Variants in LRRTM4 observed in about 807,000 individuals in gnomAD.
LRRTM4 encodes leucine rich repeat transmembrane neuronal 4, also known as leucine-rich repeat transmembrane neuronal protein 4.
A neutral mutation model predicts 47.6 loss-of-function variants in LRRTM4; 25 were observed. That is an observed-to-expected ratio of 0.53 (90% CI 0.38 to 0.73). The LOEUF is 0.73. Ranked by LOEUF, LRRTM4 falls within the 30% of genes least tolerant of loss-of-function variation. LRRTM4 has a pLI of 0.00. For missense variants in LRRTM4, 638 were observed against 713.4 expected, an observed-to-expected ratio of 0.89 and a Z score of 1.20; for synonymous variants, 311 against 269.5, an observed-to-expected ratio of 1.15 and a Z score of -1.51.
chr2:77,391,804 C>T (rs1386821808), intron 3 of LRRTM4, among the ~76,000 whole-genome samples: 1 of 151,966 alleles, frequency 6.6e-6, no homozygotes, highest in East Asian at 1.9e-4. Context: ...TTATACTCTT[C>T]TCCTTTTGGA....
intron 3 of LRRTM4, among the ~76,000 whole-genome samples, chr2:77,464,885 A>G (rs1194774625): frequency 1.3e-5 from 2 of 152,200 alleles, no homozygotes; most frequent in African/African-American, 2.4e-5. Flanking sequence ...GGTGTGTGTT[A>G]TGTAAACTAA....
intron 3 of LRRTM4, among the ~76,000 whole-genome samples, chr2:76,794,082 C>G (rs1187379517): frequency 6.6e-6 from 1 of 152,160 alleles, no homozygotes; most frequent in Admixed American, 6.6e-5. Context: ...AAGCGGTTGT[C>G]AGTCTCCTGA....
At chr2:76,796,255 TGA>T (rs1675318131) in intron 3 of LRRTM4, among the ~76,000 whole-genome samples, 1 of 97,732 alleles carries the variant, frequency 1.0e-5, no homozygotes, top group Non-Finnish European at 1.9e-5. Flanking sequence ...TGCCCGCCAT[TGA>T]ACAGGCTTGA....
At chr2:77,286,907 C>T (rs1482792752) in intron 3 of LRRTM4, among the ~76,000 whole-genome samples, 3 of 152,078 alleles carry the variant, frequency 2.0e-5, no homozygotes, top group Admixed American at 6.6e-5. Flanking sequence ...TTCACTCACT[C>T]CATAGTATCT....
At chr2:76,931,900 G>T (rs1200560187) in intron 3 of LRRTM4, among the ~76,000 whole-genome samples, 1 of 152,086 alleles carries the variant, frequency 6.6e-6, no homozygotes, top group African/African-American at 2.4e-5. Context: ...TTATGATAGA[G>T]TGCATTAAGT....
chr2:76,846,636 G>A (rs1425561582), intron 3 of LRRTM4, among the ~76,000 whole-genome samples: 1 of 152,098 alleles, frequency 6.6e-6, no homozygotes, highest in Non-Finnish European at 1.5e-5. Context: ...TATATGGATA[G>A]TTGAATATCT....
intron 3 of LRRTM4, among the ~76,000 whole-genome samples, chr2:76,803,831 A>G (rs72815459): frequency 0.11 from 17,387 of 152,100 alleles, 1,162 homozygotes; most frequent in Non-Finnish European, 0.15. Flanking sequence ...TGTACAAACA[A>G]TATGTTTTAT....
At chr2:77,490,997 T>C (rs1678132301) in intron 3 of LRRTM4, among the ~76,000 whole-genome samples, 1 of 151,594 alleles carries the variant, frequency 6.6e-6, no homozygotes, top group Non-Finnish European at 1.5e-5. Context: ...TCTGGATAGG[T>C]ACCAAAGAGG....
chr2:77,097,535 G>C (rs1383494279), intron 3 of LRRTM4, among the ~76,000 whole-genome samples: 1 of 151,726 alleles, frequency 6.6e-6, no homozygotes, highest in Non-Finnish European at 1.5e-5. Flanking sequence ...ATAATAAATA[G>C]AAAGAAATAA....
chr2:76,980,453 G>C (rs1676566161), intron 3 of LRRTM4, among the ~76,000 whole-genome samples: 1 of 152,034 alleles, frequency 6.6e-6, no homozygotes, highest in South Asian at 2.1e-4. Context: ...GAAAATTAAA[G>C]GTGGCAGAGA....
chr2:76,843,397 A>T (rs1671745263), intron 3 of LRRTM4, among the ~76,000 whole-genome samples: 1 of 152,146 alleles, frequency 6.6e-6, no homozygotes, highest in Non-Finnish European at 1.5e-5. Context: ...TCTCTGTTAG[A>T]TAATATATAT....
chr2:77,483,842 T>G (rs1677809392), intron 3 of LRRTM4, among the ~76,000 whole-genome samples: 1 of 152,258 alleles, frequency 6.6e-6, no homozygotes, highest in South Asian at 2.1e-4. Flanking sequence ...GCTTATCATC[T>G]AAGTAATAGC....
chr2:76,871,479 C>T (rs1672622004), intron 3 of LRRTM4, among the ~76,000 whole-genome samples: 1 of 152,082 alleles, frequency 6.6e-6, no homozygotes, highest in Non-Finnish European at 1.5e-5. Flanking sequence ...CACTGGGAAT[C>T]GCCTGTATTG....
intron 3 of LRRTM4, among the ~76,000 whole-genome samples, chr2:77,082,132 G>A (rs553523091): frequency 6.6e-6 from 1 of 152,002 alleles, no homozygotes; most frequent in Non-Finnish European, 1.5e-5. Context: ...TTCATCTCTT[G>A]AAGACCTTTT....
intron 3 of LRRTM4, among the ~76,000 whole-genome samples, chr2:76,806,610 CAT>C (rs1675981220): frequency 6.6e-6 from 1 of 150,568 alleles, no homozygotes; most frequent in Non-Finnish European, 1.5e-5. Context: ...AGAAAAAAAA[CAT>C]ATTTATAAAT....
At chr2:76,880,771 T>G (rs1672906520) in intron 3 of LRRTM4, among the ~76,000 whole-genome samples, 3 of 152,032 alleles carry the variant, frequency 2.0e-5, no homozygotes. Context: ...CTTTTCAGAG[T>G]GGGCAAACAC....
At chr2:77,437,071 A>G (rs1675629425) in intron 3 of LRRTM4, among the ~76,000 whole-genome samples, 1 of 152,078 alleles carries the variant, frequency 6.6e-6, no homozygotes, top group African/African-American at 2.4e-5. Context: ...CTGATTAAAA[A>G]GAACCCACAA....
In LRRTM4 at chr2:77,158,268, A is replaced by G. The variant is rs1002858687; in HGVS notation, c.1551+360050T>C. Among the ~76,000 whole-genome samples, 15 of 152,296 alleles carry G rather than the reference A, an allele frequency of 9.8e-5. No homozygotes were observed. In the East Asian group the frequency reaches 2.9e-3, roughly 29 times the overall value. On this transcript the variant is annotated intron_variant, in intron 3 of 3. Transcript: ENST00000409884. The stretch of plus-strand genomic sequence containing the variant: ...GTCTTATTTTACAATAAAAATGTCA[A>G]AAAATATAGAGATTTAATTTTGTAT...
At chr2:77,449,101 T>C (rs904346035) in intron 3 of LRRTM4, among the ~76,000 whole-genome samples, 2 of 152,178 alleles carry the variant, frequency 1.3e-5, no homozygotes, top group Non-Finnish European at 2.9e-5. Flanking sequence ...TATATATCCA[T>C]TCCCTGTCAT....
Sources: allele counts gnomAD v4.1 joint callset (sites outside exome capture counted in the v4.1 genomes callset), GRCh38; gene constraint gnomAD v4.1.1; transcripts MANE v1.5; gene names NCBI Gene and HGNC (gene_info 2026-07-23, HGNC 2026-07-21).